Variants in THRA observed in about 807,000 individuals in gnomAD.
THRA encodes the protein EAR-7.
Under a neutral mutation model 45.0 loss-of-function variants are expected in THRA, and 13 were observed. The ratio of observed to expected loss-of-function variants is 0.29; its 90% CI spans 0.19 to 0.46. The LOEUF (loss-of-function observed/expected upper bound fraction) is 0.46, where lower values mean the gene tolerates loss of function less well. Ranked by LOEUF, THRA falls within the 20% of genes least tolerant of loss-of-function variation. THRA has a pLI of 1.00. For synonymous variants in THRA, 195 were observed against 214.0 expected, an observed-to-expected ratio of 0.91 and a Z score of 0.78; for missense variants, 278 against 556.1, an observed-to-expected ratio of 0.50 and a Z score of 5.03.
chr17:40,088,579 A>C lies in THRA; in HGVS notation c.982+79A>C, dbSNP rs181894460. ...GGCTGGACCCTGGGCCTGTTGCTCA[A>C]CTCCCTCCTGAATCTTCTTCTGGGC... On this transcript the variant is annotated intron_variant, in intron 8 of 8. Coordinates refer to ENST00000450525, the MANE Select transcript of THRA (RefSeq NM_199334.5). 2.4e-5 allele frequency: 36 copies of C among 1,516,946 alleles called. No homozygotes were observed. In the East Asian group the frequency reaches 3.4e-4, roughly 14 times the overall value. 94.0% of individuals were successfully genotyped at this position (1,516,946 alleles called of 1,614,324 possible).
At chr17:40,069,858 G>A (rs1050753202) in intron 1 of THRA, among the ~76,000 whole-genome samples, 6 of 152,056 alleles carry the variant, frequency 3.9e-5, no homozygotes, top group Non-Finnish European at 8.8e-5. Flanking sequence ...GAGCTGGCCC[G>A]GGCAGGAGGA....
Position 40,074,363 on chromosome 17 carries a change from C to A in THRA, c.-126C>A. ...AAAGGCCAAGTGCTGAGGCGGGTATCATGGGTGCTGTGCCCTAGGGCCTGG... is the reference window on the plus strand; with the variant it reads ...AAAGGCCAAGTGCTGAGGCGGGTATAATGGGTGCTGTGCCCTAGGGCCTGG... On this transcript the variant is annotated 5_prime_UTR_variant, in exon 2 of 9. Coordinates refer to ENST00000450525, the MANE Select transcript of THRA (RefSeq NM_199334.5). 1.0e-6 allele frequency: 1 copy of A among 999,498 alleles called. No homozygotes were observed. The highest frequency in any genetic ancestry group is 1.5e-6 in the Non-Finnish European group (1 of 650,546). The allele number at this position is 999,498 out of a possible 1,614,324, so 61.9% of individuals were successfully genotyped here.
intron 4 of THRA, among the ~76,000 whole-genome samples, chr17:40,079,219 A>G (rs976365169): frequency 3.3e-5 from 5 of 151,856 alleles, no homozygotes; most frequent in African/African-American, 9.7e-5. Flanking sequence ...GGGGATGACA[A>G]GGTCATAGAT....
intron 2 of THRA, among the ~76,000 whole-genome samples, chr17:40,075,399 C>T (rs1374112551): frequency 6.6e-6 from 1 of 152,186 alleles, no homozygotes; most frequent in Admixed American, 6.5e-5. Flanking sequence ...AGGCAAAGCC[C>T]TAAGGCCCAC....
intron 6 of THRA, among the ~76,000 whole-genome samples, chr17:40,085,973 A>G (rs1273360983): frequency 6.6e-6 from 1 of 151,616 alleles, no homozygotes; most frequent in Non-Finnish European, 1.5e-5. Flanking sequence ...TTAGCTGGGC[A>G]TGGGGGTGTG....
In THRA at chr17:40,074,457, G is replaced by GC. The variant is rs1986881948; in HGVS notation, c.-31dup. 6.2e-7 allele frequency: 1 copy of GC among 1,613,536 alleles called. No homozygotes were observed. The highest frequency in any genetic ancestry group is 8.5e-7 in the Non-Finnish European group (1 of 1,179,662). On this transcript the variant is annotated 5_prime_UTR_variant, in exon 2 of 9. Coordinates refer to ENST00000450525, the MANE Select transcript of THRA (RefSeq NM_199334.5). ...TGTGCCCACCCCAGTCTCTTGGCGT[G>GC]CTGGAGGGCATCCTGGATGGAATTG...
rs890444022 is a variant in THRA, at chr17:40,089,018, C to T, written c.983-188C>T. Among the ~76,000 whole-genome samples the T allele has an allele frequency of 2.9e-4, 43 of 147,290 alleles. No individual in the cohort carries two copies. The highest frequency in any genetic ancestry group is 5.9e-4 in the Non-Finnish European group (39 of 66,630). ...TACCCCCCTGCCCCTCTCCACTTCC[C>T]AGCTGCCTCCCTCTCCCTGTGCTTC... On this transcript the variant is annotated intron_variant, in intron 8 of 8. Transcript: ENST00000450525. The surrounding 1 kb of genome is among the most constrained non-coding windows in gnomAD (Gnocchi z 6.1).
chr17:40,077,652 C>T, intron 4 of THRA, 44 bp downstream of exon 4: 1 of 1,511,066 alleles, frequency 6.6e-7, no homozygotes, highest in Non-Finnish European at 9.2e-7. Flanking sequence ...CCTGAGCCCC[C>T]ATATTACTCC....
At position 40,089,872 on chromosome 17, in the gene THRA, T is replaced by C; in HGVS notation, c.*416T>C. On this transcript the variant is annotated 3_prime_UTR_variant, in exon 9 of 9. Coordinates refer to ENST00000450525, the MANE Select transcript of THRA (RefSeq NM_199334.5). This position sits in a 1 kb window ranked among gnomAD's most constrained non-coding sequence, Gnocchi z 6.1. ...AGAGCCCCCACCCAGTTCCTTGGCC[T>C]AGGTCTCCCCTCCAGGCTGAGGGCC... The C allele has an allele frequency of 9.8e-7, 1 of 1,017,568 alleles. No individual in the cohort carries two copies. The highest frequency in any genetic ancestry group is 1.7e-5 in the African/African-American group (1 of 58,078). The allele number at this position is 1,017,568 out of a possible 1,614,324, so 63.0% of individuals were successfully genotyped here. A position where few individuals can be genotyped will look rare whatever the true frequency, so the allele number is the denominator to read the frequency against.
In THRA at chr17:40,084,787, G is replaced by A. The variant is rs1166194642; in HGVS notation, c.548G>A (p.Ser183Asn). Residue 183 changes from serine to asparagine, a missense_variant, in exon 6 of 9, where the codon AGC becomes AAC. By Grantham distance (46) the Ser-to-Asn change is conservative (BLOSUM62 1). This residue lies in a region of THRA where 111 missense variants were observed against 167.1 expected (regional missense o/e 0.66). Transcript: ENST00000450525. ...CATCGCAGCACCAATGCCCAGGGCAGCCATTGGAAACAGAGGCGGAAATTC... is the reference window on the plus strand; with the variant it reads ...CATCGCAGCACCAATGCCCAGGGCAACCATTGGAAACAGAGGCGGAAATTC... Reference protein sequence around the residue: ...EAHRSTNAQGSHWKQRRKFLP... With the variant: ...EAHRSTNAQGNHWKQRRKFLP... 1 of 1,613,908 alleles carries A rather than the reference G, an allele frequency of 6.2e-7. No individual in the cohort carries two copies. The highest frequency in any genetic ancestry group is 1.1e-5 in the South Asian group (1 of 91,068).
chr17:40,087,072 C>A, intron 7 of THRA: 1 of 573,890 alleles, frequency 1.7e-6, no homozygotes, highest in Non-Finnish European at 3.0e-6. Flanking sequence ...CACACACACA[C>A]CTAGCATACA....
At chr17:40,093,626 A>T (rs1309202613), downstream of THRA, 3 of 692,556 alleles carry the variant, frequency 4.3e-6, no homozygotes, top group African/African-American at 3.6e-5. The surrounding 1 kb of genome is among the most constrained non-coding windows in gnomAD (Gnocchi z 5.9). Flanking sequence ...GCAACATCTT[A>T]CTTGTCCTTT....
intron 1 of THRA, among the ~76,000 whole-genome samples, chr17:40,070,643 T>C (rs1986742904): frequency 6.6e-6 from 1 of 151,886 alleles, no homozygotes; most frequent in Non-Finnish European, 1.5e-5. Context: ...CTGGCTCCCA[T>C]GGTGGGAGGC....
intron 1 of THRA, among the ~76,000 whole-genome samples, chr17:40,069,231 C>A (rs749573446): frequency 2.0e-5 from 3 of 150,174 alleles, no homozygotes; most frequent in African/African-American, 4.9e-5. Context: ...CTTCCCTCCC[C>A]CTTCCTCCCT....
At chr17:40,093,039 C>T (rs137853164), downstream of THRA, 2 of 1,613,840 alleles carry the variant, frequency 1.2e-6, no homozygotes, top group South Asian at 1.1e-5. This position sits in a 1 kb window ranked among gnomAD's most constrained non-coding sequence, Gnocchi z 5.9. Context: ...GTGCAGAGTT[C>T]GATTCTGTAC....
chr17:40,075,055 C>T (rs1190541041), intron 2 of THRA, among the ~76,000 whole-genome samples: 2 of 152,258 alleles, frequency 1.3e-5, no homozygotes, highest in East Asian at 1.9e-4. Flanking sequence ...TGTTCATGGT[C>T]AAGGGCGGGC....
intron 1 of THRA, among the ~76,000 whole-genome samples, chr17:40,067,694 G>A (rs923988604): frequency 1.4e-4 from 22 of 152,160 alleles, no homozygotes; most frequent in Non-Finnish European, 2.9e-4. Flanking sequence ...TAGGGGTGAC[G>A]GGAAGCCTTT....
chr17:40,080,558 G>A (rs928447630), intron 4 of THRA, among the ~76,000 whole-genome samples: 2 of 152,058 alleles, frequency 1.3e-5, no homozygotes, highest in African/African-American at 2.4e-5. Context: ...TACAAACAGT[G>A]TAGCATAGAG....
rs35100224 is a variant in THRA, at chr17:40,089,939, C to T, written c.*483C>T. On this transcript the variant is annotated 3_prime_UTR_variant, in exon 9 of 9. Coordinates refer to ENST00000450525, the MANE Select transcript of THRA (RefSeq NM_199334.5). The surrounding 1 kb of genome is among the most constrained non-coding windows in gnomAD (Gnocchi z 6.1). ...TGCCTGGGTGCAAAGAACGGCTTGG[C>T]TTGGCTCCTCCTCTGGAGGTTAAAA... The T allele has an allele frequency of 1.0e-4, 103 of 994,524 alleles. 1 individual carries two copies. In the African/African-American group the frequency reaches 1.6e-3, roughly 16 times the overall value. 61.6% of individuals were successfully genotyped at this position (994,524 alleles called of 1,614,324 possible). A position where few individuals can be genotyped will look rare whatever the true frequency, so the allele number is the denominator to read the frequency against.
Sources: gnomAD v4.1 joint callset for allele counts (sites outside exome capture counted in the v4.1 genomes callset) on GRCh38, gnomAD v4.1.1 for gene constraint, gnomAD v4.1.1 regional missense constraint, Gnocchi (gnomAD v3.1) non-coding constraint, MANE v1.5 for transcripts, NCBI Gene and HGNC (gene_info 2026-07-23, HGNC 2026-07-21) for gene names.